SORCS1: variants seen among roughly 807,000 people sequenced by gnomAD.
SORCS1 encodes VPS10 domain-containing receptor SorCS1.
SORCS1 carries 60 observed loss-of-function variants against 146.1 expected under a neutral mutation model. The observed-to-expected ratio is 0.41, with a 90% CI of 0.33 to 0.51. The LOEUF (loss-of-function observed/expected upper bound fraction) is 0.51, where lower values mean the gene tolerates loss of function less well. Among genes scored for constraint, SORCS1 ranks in the 20% least tolerant of loss-of-function variants. SORCS1 has a pLI of 0.21. For missense variants in SORCS1, 1,352 were observed against 1,487.6 expected (o/e 0.91, Z 1.50); for synonymous variants, 637 against 584.0 (o/e 1.09, Z -1.31).
At chr10:106,822,802 T>TTTTTTTG (rs994708912) in intron 3 of SORCS1, among the ~76,000 whole-genome samples, 4 of 140,120 alleles carry the variant, frequency 2.9e-5, no homozygotes, top group African/African-American at 1.1e-4. Context: ...TTTTTTTTTT[T>TTTTTTTG]GAATATTGCT....
intron 8 of SORCS1, among the ~76,000 whole-genome samples, chr10:106,701,484 T>C (rs1854135187): frequency 6.6e-6 from 1 of 152,160 alleles, no homozygotes; most frequent in African/African-American, 2.4e-5. Flanking sequence ...AAAATTAGTA[T>C]CTCACTATTG....
intron 2 of SORCS1, among the ~76,000 whole-genome samples, chr10:106,889,902 A>T (rs1951163076): frequency 6.6e-6 from 1 of 151,008 alleles, no homozygotes; most frequent in Admixed American, 6.6e-5. Context: ...AAAAAAAAAA[A>T]AAAAAAAAAG....
chr10:106,623,943 C>T (rs367548591), intron 19 of SORCS1, among the ~76,000 whole-genome samples: 5 of 152,194 alleles, frequency 3.3e-5, no homozygotes, highest in South Asian at 2.1e-4. Context: ...CTCGGCCCCC[C>T]CAAAGTGCTG....
intron 2 of SORCS1, among the ~76,000 whole-genome samples, chr10:106,868,701 G>T (rs1264765900): frequency 6.6e-6 from 1 of 152,242 alleles, no homozygotes; most frequent in Non-Finnish European, 1.5e-5. Flanking sequence ...GTAGTGTTAA[G>T]AAAGACATTA....
chr10:106,946,760 T>G (rs1954366732), intron 2 of SORCS1, among the ~76,000 whole-genome samples: 1 of 152,220 alleles, frequency 6.6e-6, no homozygotes, highest in Admixed American at 6.5e-5. Context: ...TCTGTAACTA[T>G]CCACTGAAAG....
chr10:107,033,365 C>T (rs1958755003), intron 1 of SORCS1, among the ~76,000 whole-genome samples: 1 of 152,144 alleles, frequency 6.6e-6, no homozygotes, highest in Admixed American at 6.5e-5. Context: ...AGAGCCAAAT[C>T]ATATCAGCAT....
Position 106,672,923 on chromosome 10 carries a change from A to G in SORCS1, c.2003T>C (p.Ile668Thr). 6.2e-7 allele frequency: 1 copy of G among 1,614,126 alleles called. No individual in the cohort carries two copies. Among genetic ancestry groups the G allele is most frequent in the Non-Finnish European group, 8.5e-7 (1 of 1,180,014 alleles). Reference protein sequence around the residue: ...WQLVKVDYKSIFDRRCAEEDY... With the variant: ...WQLVKVDYKSTFDRRCAEEDY... ...CTCTTCGGCACACCGTCTATCAAAA[A>G]TGGACTTGTAATCTACTTTGACCAG... Residue 668 changes from isoleucine (I) to threonine (T), a missense_variant, in exon 15 of 26, where the codon ATT becomes ACT. Coordinates refer to ENST00000263054, the MANE Select transcript of SORCS1 (RefSeq NM_052918.5).
chr10:106,725,879 C>T (rs113841904), intron 6 of SORCS1, among the ~76,000 whole-genome samples: 55 of 147,640 alleles, frequency 3.7e-4, no homozygotes, highest in African/African-American at 1.3e-3. Flanking sequence ...TGCAGTGAGC[C>T]GAGATGGTGC....
the SORCS1 span, among the ~76,000 whole-genome samples, chr10:107,173,664 C>T: frequency 6.6e-6 from 1 of 151,918 alleles, no homozygotes; most frequent in East Asian, 1.9e-4. Flanking sequence ...TTTCTAGAAG[C>T]TGTATTGTTT....
intron 1 of SORCS1, among the ~76,000 whole-genome samples, chr10:107,105,089 A>G (rs1965214070): frequency 6.6e-6 from 1 of 152,220 alleles, no homozygotes; most frequent in Non-Finnish European, 1.5e-5. Flanking sequence ...CGATCATAAT[A>G]CTCAAACAGT....
intron 2 of SORCS1, among the ~76,000 whole-genome samples, chr10:106,868,882 A>G (rs1950310991): frequency 1.3e-5 from 2 of 152,222 alleles, no homozygotes; most frequent in Non-Finnish European, 2.9e-5. Context: ...AAACTATTCA[A>G]AAGATCAATG....
chr10:106,769,354 G>A (rs762105833), intron 4 of SORCS1, among the ~76,000 whole-genome samples: 7 of 151,814 alleles, frequency 4.6e-5, no homozygotes, highest in South Asian at 2.1e-4. Flanking sequence ...GCGTGGGGGC[G>A]GGTGCCAGTA....
chr10:107,059,542 C>A (rs1224575188), intron 1 of SORCS1, among the ~76,000 whole-genome samples: 1 of 152,086 alleles, frequency 6.6e-6, no homozygotes, highest in Non-Finnish European at 1.5e-5. Flanking sequence ...AAACAAGAAG[C>A]CCAGATTTCC....
rs55880802 is a variant in SORCS1, at chr10:106,922,891, CTT to C, written c.626+33620_626+33621del. Reference sequence around the variant, plus strand: ...ACCCATGACAACCATGCAGCCTTTTCTTTTTTTTTTTTTTTTGACATGGAGTC... The same window carrying C: ...ACCCATGACAACCATGCAGCCTTTTCTTTTTTTTTTTTTTGACATGGAGTC... On this transcript the variant is annotated intron_variant, in intron 2 of 25. Coordinates refer to ENST00000263054, the MANE Select transcript of SORCS1 (RefSeq NM_052918.5). Among the ~76,000 whole-genome samples the C allele has an allele frequency of 7.6e-3, 849 of 112,418 alleles. 6 individuals are homozygous for C. Among genetic ancestry groups the C allele is most frequent in the Admixed American group, 0.017 (191 of 11,072 alleles). 73.8% of individuals were successfully genotyped at this position (112,418 alleles called of 152,430 possible). A position where few individuals can be genotyped will look rare whatever the true frequency, so the allele number is the denominator to read the frequency against.
In SORCS1 at chr10:106,908,936, A is replaced by AT. The variant is rs199709203; in HGVS notation, c.626+47576dup. On this transcript the variant is annotated intron_variant, in intron 2 of 25. Transcript: ENST00000263054. ...CTTTAAACTGTCCATTTACTCCATTATTTTTTTTTATCTTCATGGTACTTG... is the reference window on the plus strand; with the variant it reads ...CTTTAAACTGTCCATTTACTCCATTATTTTTTTTTTATCTTCATGGTACTTG... 4.9e-3 allele frequency among the ~76,000 whole-genome samples: 741 copies of AT among 151,464 alleles called. 1 individual carries two copies. The highest frequency in any genetic ancestry group is 7.8e-3 in the Non-Finnish European group (527 of 67,784).
intron 8 of SORCS1, among the ~76,000 whole-genome samples, chr10:106,704,669 G>A (rs189983601): frequency 6.6e-6 from 1 of 152,282 alleles, no homozygotes; most frequent in Non-Finnish European, 1.5e-5. Flanking sequence ...CAGCCTGGGT[G>A]ACAGAGCGAG....
chr10:106,662,185 T>C (rs1850780311), intron 17 of SORCS1, among the ~76,000 whole-genome samples: 1 of 152,246 alleles, frequency 6.6e-6, no homozygotes, highest in Non-Finnish European at 1.5e-5. Context: ...AGCATTTTAT[T>C]GGGCACAATA....
chr10:107,109,570 C>T (rs900246934), intron 1 of SORCS1, among the ~76,000 whole-genome samples: 2 of 152,224 alleles, frequency 1.3e-5, no homozygotes, highest in Non-Finnish European at 2.9e-5. Flanking sequence ...TGAAACCATT[C>T]TTTCCACTTA....
chr10:106,852,574 G>A (rs1949627685), intron 2 of SORCS1, among the ~76,000 whole-genome samples: 1 of 144,596 alleles, frequency 6.9e-6, no homozygotes, highest in South Asian at 2.2e-4. Context: ...TTTGTAGTGA[G>A]CTGAAATCAC....
Sources: allele counts gnomAD v4.1 joint callset (sites outside exome capture counted in the v4.1 genomes callset), GRCh38; gene constraint gnomAD v4.1.1; transcripts MANE v1.5; gene names NCBI Gene and HGNC (gene_info 2026-07-23, HGNC 2026-07-21).